MTFMT: variants seen among roughly 807,000 people sequenced by gnomAD.
MTFMT encodes the protein mitochondrial methionyl-tRNA formyltransferase.
A neutral mutation model predicts 51.8 loss-of-function variants in MTFMT; 47 were observed. The observed-to-expected ratio is 0.91, with a 90% CI of 0.72 to 1.16. The LOEUF (loss-of-function observed/expected upper bound fraction) is 1.16. MTFMT is among the 50% of genes most tolerant of loss of function. The pLI is 0.00. For synonymous variants in MTFMT, 196 were observed against 176.7 expected, an observed-to-expected ratio of 1.11 and a Z score of -0.87; for missense variants, 512 against 482.3, an observed-to-expected ratio of 1.06 and a Z score of -0.58.
Position 65,026,827 on chromosome 15 carries a change from T to C in MTFMT, c.419+4A>G. On this transcript the variant is annotated splice_donor_region_variant and intron_variant, in intron 2 of 8. Transcript: ENST00000220058. ...TACTGTATTTCCTTACAAATAAAAC[T>C]TACTAGGGAAATTTAAGAATAAGAG... The C allele has an allele frequency of 6.2e-7, 1 of 1,612,370 alleles. No homozygotes were observed. Among genetic ancestry groups the C allele is most frequent in the Non-Finnish European group, 8.5e-7 (1 of 1,179,066 alleles).
At chr15:65,017,847 C>T (rs892351076) in intron 5 of MTFMT, among the ~76,000 whole-genome samples, 1 of 151,844 alleles carries the variant, frequency 6.6e-6, no homozygotes, top group Non-Finnish European at 1.5e-5. Flanking sequence ...GAAGTAGTCT[C>T]CATGATACAC....
intron 6 of MTFMT, chr15:65,016,060 G>A (rs1224210568): frequency 6.5e-6 from 1 of 153,960 alleles, no homozygotes; most frequent in Non-Finnish European, 1.4e-5. Context: ...GCTAAAGGCA[G>A]AAAGACATAC....
Position 65,003,232 on chromosome 15 carries a change from C to T in MTFMT, c.1000G>A (p.Val334Met), listed in dbSNP as rs778939826. The T allele has an allele frequency of 6.2e-7, 1 of 1,613,256 alleles. No homozygotes were observed. The highest frequency in any genetic ancestry group is 8.5e-7 in the Non-Finnish European group (1 of 1,179,500). ...GCTGTTAGTGATTTCTTGAGCATCACTGATCGAACACCAATCCAACCATCC... is the reference window on the plus strand; with the variant it reads ...GCTGTTAGTGATTTCTTGAGCATCATTGATCGAACACCAATCCAACCATCC... ...CKDGWIGVRSVMLKKSLTATD... is the reference protein window; with the variant it reads ...CKDGWIGVRSMMLKKSLTATD... Residue 334 changes from valine to methionine, a missense_variant, in exon 9 of 9, where the codon GTG (valine) becomes ATG (methionine). Physicochemically the swap from Val to Met is conservative, Grantham distance 21. Coordinates refer to ENST00000220058, the MANE Select transcript of MTFMT (RefSeq NM_139242.4).
chr15:65,016,662 T>C (rs931942806), intron 5 of MTFMT, 135 bp from the exon 6 acceptor site: 80 of 416,822 alleles, frequency 1.9e-4, no homozygotes, highest in Admixed American at 8.3e-5. Context: ...AAATTTTCCA[T>C]ATATCAAGTA....
chr15:65,023,887 T>C, intron 2 of MTFMT, 93 bp from the exon 3 acceptor site: 1 of 1,205,082 alleles, frequency 8.3e-7, no homozygotes, highest in Non-Finnish European at 1.1e-6. Context: ...ATTAGGAAAC[T>C]TTCCCAGAAA....
In MTFMT at chr15:65,006,100, C is replaced by T; in HGVS notation, c.892+13G>A. The T allele has an allele frequency of 6.2e-7, 1 of 1,603,710 alleles. No homozygotes were observed. Among genetic ancestry groups the T allele is most frequent in the Non-Finnish European group, 8.5e-7 (1 of 1,171,658 alleles). ...GAAAACAGCTTCCATGTTAGCTATT[C>T]AAAAGTTAGTACCAGCAAGGACTGA... On this transcript the variant is annotated intron_variant, in intron 7 of 8. Transcript: ENST00000220058.
At chr15:65,021,211 T>C (rs1043019601) in intron 4 of MTFMT, among the ~76,000 whole-genome samples, 7 of 152,218 alleles carry the variant, frequency 4.6e-5, no homozygotes, top group Non-Finnish European at 1.0e-4. Flanking sequence ...ATGCAAGGTA[T>C]ACATACCAGA....
At chr15:65,029,291 C>T in intron 1 of MTFMT, 114 bp downstream of exon 1, 2 of 1,324,214 alleles carry the variant, frequency 1.5e-6, no homozygotes, top group South Asian at 2.0e-5. Flanking sequence ...GGGCCCACAC[C>T]GCTCTGCCGC....
rs1381858089 is a variant in MTFMT, at chr15:65,029,449, C to T, written c.165G>A (p.Thr55=). ...KPPWRVLFFG[T]DQFAREALRA... is the part of the protein sequence containing the mutation. ...GCAGCGCCTCGCGGGCGAACTGGTC[C>T]GTGCCGAAGAAGAGCACCCGCCAGG... The change falls in exon 1 of 9, where the codon ACG becomes ACA. Residue 55 remains threonine (T), a synonymous_variant. Coordinates refer to ENST00000220058, the MANE Select transcript of MTFMT (RefSeq NM_139242.4). The T allele has an allele frequency of 6.6e-7, 1 of 1,526,692 alleles. No homozygotes were observed. Among genetic ancestry groups the T allele is most frequent in the Admixed American group, 2.0e-5 (1 of 49,212 alleles). 94.6% of individuals were successfully genotyped at this position (1,526,692 alleles called of 1,614,324 possible).
chr15:65,005,644 C>T (rs1390611145), intron 7 of MTFMT, among the ~76,000 whole-genome samples: 1 of 142,900 alleles, frequency 7.0e-6, no homozygotes, highest in Admixed American at 7.2e-5. Flanking sequence ...GAGTTTCACT[C>T]ATTGCCCAGG....
Position 65,029,599 on chromosome 15 carries a change from C to T in MTFMT, c.15G>A (p.Val5=), listed in dbSNP as rs763865947. The stretch of plus-strand genomic sequence containing the variant: ...CCAGCGGAGGACCCCAACAGCGCCG[C>T]ACCAACACCCTCATCGCCTCGGCCG... The part of the protein sequence containing the change: MRVL[V]RRCWGPPLAH... Residue 5 remains valine, a synonymous_variant, in exon 1 of 9, where the codon GTG becomes GTA. Coordinates refer to ENST00000220058, the MANE Select transcript of MTFMT (RefSeq NM_139242.4). 5 of 1,430,462 alleles carry T rather than the reference C, an allele frequency of 3.5e-6. No homozygotes were observed. The highest frequency in any genetic ancestry group is 3.0e-5 in the African/African-American group (2 of 67,164). 88.6% of individuals were successfully genotyped at this position (1,430,462 alleles called of 1,614,324 possible).
chr15:65,004,738 T>C, intron 8 of MTFMT, 116 bp downstream of exon 8: 1 of 559,540 alleles, frequency 1.8e-6, no homozygotes, highest in Non-Finnish European at 3.0e-6. Flanking sequence ...TTAAATGATC[T>C]CCTGACCCAA....
In MTFMT at chr15:65,019,673, T is replaced by A. The variant is rs541342210; in HGVS notation, c.721+524A>T. On this transcript the variant is annotated intron_variant, in intron 5 of 8. Transcript: ENST00000220058. The stretch of plus-strand genomic sequence containing the variant: ...ATTTTTTTTAGAGACTAAAGAGACA[T>A]AACAACTAATTACAATTAAATCCTA... Among the ~76,000 whole-genome samples, 5 of 152,194 alleles carry A rather than the reference T, an allele frequency of 3.3e-5. No individual in the cohort carries two copies. In the South Asian group the frequency reaches 1.0e-3, roughly 32 times the overall value.
rs148310530 is a variant in MTFMT, at chr15:65,028,004, AG to A, written c.210-965del. ...CCTGCTGCATAGCATTCTAGTACCC[AG>A]GGGGGTACATTTATTAAACAGGTAT... On this transcript the variant is annotated intron_variant, in intron 1 of 8. Coordinates refer to ENST00000220058, the MANE Select transcript of MTFMT (RefSeq NM_139242.4). Among the ~76,000 whole-genome samples, 298 of 152,326 alleles carry A rather than the reference AG, an allele frequency of 2.0e-3. 4 individuals carry two copies. The East Asian group carries it at 0.037, about 19-fold the overall frequency.
rs1216162953 is a variant in MTFMT at position 65,029,620 on chromosome 15, G to A, written c.-7C>T. On this transcript the variant is annotated 5_prime_UTR_variant, in exon 1 of 9. Coordinates refer to ENST00000220058, the MANE Select transcript of MTFMT (RefSeq NM_139242.4). ...GCCGCACCAACACCCTCATCGCCTC[G>A]GCCGCCGGCGGCCGGCCCTGCGCAG... 5.7e-5 allele frequency: 79 copies of A among 1,378,486 alleles called. No individual in the cohort carries two copies. The highest frequency in any genetic ancestry group is 6.9e-5 in the Non-Finnish European group (73 of 1,063,432). The allele number at this position is 1,378,486 out of a possible 1,614,324, so 85.4% of individuals were successfully genotyped here. A position where few individuals can be genotyped will look rare whatever the true frequency, so the allele number is the denominator to read the frequency against.
intron 1 of MTFMT, among the ~76,000 whole-genome samples, chr15:65,028,195 G>A (rs1595894151): frequency 6.6e-6 from 1 of 152,184 alleles, no homozygotes; most frequent in Non-Finnish European, 1.5e-5. Context: ...CAAGGTGAGA[G>A]GATCACTTGA....
chr15:65,014,276 C>A (rs1487144630), intron 6 of MTFMT, among the ~76,000 whole-genome samples: 1 of 151,434 alleles, frequency 6.6e-6, no homozygotes, highest in Non-Finnish European at 1.5e-5. Flanking sequence ...TATTCTATCA[C>A]ATGATCCTAT....
rs191025503 is a variant in MTFMT at position 65,012,195 on chromosome 15, T to G, written c.813+4241A>C. ...AGGGGAGAGGGATAGCATTAGGAGA[T>G]ATACCTCATGTAAATGATGAGTTAA... On this transcript the variant is annotated intron_variant, in intron 6 of 8. Coordinates refer to ENST00000220058, the MANE Select transcript of MTFMT (RefSeq NM_139242.4). Among the ~76,000 whole-genome samples, 4 of 139,994 alleles carry G rather than the reference T, an allele frequency of 2.9e-5. No individual in the cohort carries two copies. In the Admixed American group the frequency reaches 2.9e-4, roughly 10 times the overall value. 91.8% of individuals were successfully genotyped at this position (139,994 alleles called of 152,430 possible). A position where few individuals can be genotyped will look rare whatever the true frequency, so the allele number is the denominator to read the frequency against.
chr15:65,014,516 G>A (rs2086299910), intron 6 of MTFMT, among the ~76,000 whole-genome samples: 1 of 151,834 alleles, frequency 6.6e-6, no homozygotes, highest in African/African-American at 2.4e-5. Context: ...AGTAGAGACG[G>A]GGTTTCTCCA....
Sources: gnomAD v4.1 joint callset for allele counts (sites outside exome capture counted in the v4.1 genomes callset) on GRCh38, gnomAD v4.1.1 for gene constraint, MANE v1.5 for transcripts, NCBI Gene and HGNC (gene_info 2026-07-23, HGNC 2026-07-21) for gene names.